The following UBAC2 variants were observed in gnomAD, a reference collection of about 807,000 sequenced individuals.
UBAC2 encodes UBA domain containing 2, also known as ubiquitin-associated domain-containing protein 2.
Under a neutral mutation model 44.0 loss-of-function variants are expected in UBAC2, and 26 were observed. The observed-to-expected ratio is 0.59, with a 90% confidence interval of 0.43 to 0.82. The LOEUF is 0.82. Among genes scored for constraint, UBAC2 ranks in the 40% least tolerant of loss-of-function variants. The pLI is 0.00. For missense variants in UBAC2, 329 were observed against 419.4 expected (o/e 0.78, Z 1.88); for synonymous variants, 155 against 154.3 (o/e 1.00, Z -0.04).
intron 4 of UBAC2, among the ~76,000 whole-genome samples, chr13:99,275,823 C>T (rs2043874602): frequency 6.6e-6 from 1 of 152,076 alleles, no homozygotes. Flanking sequence ...GGATGAGGTC[C>T]TCGATGACCA....
chr13:99,291,582 G>A lies in UBAC2; in HGVS notation c.390-22515G>A, dbSNP rs369951570. On this transcript the variant is annotated intron_variant, in intron 4 of 8. Transcript: ENST00000403766. ...TGCCACCTTGTACTCAATGGTAGGA[G>A]CCACTGTCTGCCCTTGCCTCTTGAA... 9.2e-5 allele frequency among the ~76,000 whole-genome samples: 14 copies of A among 152,316 alleles called. No homozygotes were observed. In the South Asian group the frequency reaches 2.5e-3, roughly 27 times the overall value.
intron 4 of UBAC2, chr13:99,308,832 A>G: frequency 6.6e-6 from 1 of 152,244 alleles, no homozygotes; most frequent in East Asian, 1.9e-4. Context: ...ATGATCTCCA[A>G]GGTAATTCCT....
chr13:99,310,566 G>A (rs1360200564), intron 4 of UBAC2, among the ~76,000 whole-genome samples: 1 of 152,226 alleles, frequency 6.6e-6, no homozygotes, highest in Non-Finnish European at 1.5e-5. Flanking sequence ...AAGTCTGTGT[G>A]TGTAGAAATA....
intron 4 of UBAC2, among the ~76,000 whole-genome samples, chr13:99,298,017 AAAG>A (rs2044202200): frequency 6.6e-6 from 1 of 152,166 alleles, no homozygotes; most frequent in South Asian, 2.1e-4. Flanking sequence ...CAAAGGTTAA[AAAG>A]AACAGTCTAC....
At chr13:99,236,107 GA>G (rs2043229607) in intron 1 of UBAC2, among the ~76,000 whole-genome samples, 1 of 152,238 alleles carries the variant, frequency 6.6e-6, no homozygotes, top group South Asian at 2.1e-4. Flanking sequence ...ACTACTAGCA[GA>G]AAATGTTGGA....
chr13:99,217,110 C>T lies in UBAC2; in HGVS notation c.31+16171C>T, dbSNP rs142590935. On this transcript the variant is annotated intron_variant, in intron 1 of 8. Transcript: ENST00000403766. ...CCTCCCAAAGTGCTGGGATCACAGG[C>T]GTGAGCCACGGCGCCTGGCCTCTTT... 3.6e-4 allele frequency among the ~76,000 whole-genome samples: 55 copies of T among 152,282 alleles called. No individual in the cohort carries two copies. In the East Asian group the frequency reaches 9.5e-3, roughly 26 times the overall value.
chr13:99,303,324 C>T (rs1594106735), intron 4 of UBAC2, among the ~76,000 whole-genome samples: 1 of 152,336 alleles, frequency 6.6e-6, no homozygotes, highest in African/African-American at 2.4e-5. Context: ...GCTTCATAGA[C>T]GCGCTCCTTG....
chr13:99,363,968 G>A (rs976958044), intron 7 of UBAC2, among the ~76,000 whole-genome samples: 1 of 151,872 alleles, frequency 6.6e-6, no homozygotes, highest in African/African-American at 2.4e-5. Flanking sequence ...GTAATTTTTT[G>A]TACTTACATT....
chr13:99,374,586 C>A (rs1352097055), intron 8 of UBAC2, among the ~76,000 whole-genome samples: 1 of 152,218 alleles, frequency 6.6e-6, no homozygotes, highest in Non-Finnish European at 1.5e-5. Flanking sequence ...GAATCTAAAT[C>A]TTAATGAGGC....
chr13:99,266,234 C>T (rs1467509481), intron 4 of UBAC2, among the ~76,000 whole-genome samples: 3 of 151,438 alleles, frequency 2.0e-5, no homozygotes, highest in Non-Finnish European at 4.4e-5. Flanking sequence ...TAATATGTAG[C>T]TTTATATAAT....
At chr13:99,246,755 A>C (rs930400635) in intron 4 of UBAC2, among the ~76,000 whole-genome samples, 45 of 152,254 alleles carry the variant, frequency 3.0e-4, no homozygotes, top group African/African-American at 1.0e-3. Context: ...TTTAAATCTC[A>C]GTTTGTAGCA....
chr13:99,211,597 G>A (rs1044423347), intron 1 of UBAC2, among the ~76,000 whole-genome samples: 1 of 152,182 alleles, frequency 6.6e-6, no homozygotes, highest in African/African-American at 2.4e-5. Context: ...AGCCCTGTTA[G>A]GTAGGCACAG....
chr13:99,238,382 T>A, intron 1 of UBAC2, 45 bp from the exon 2 acceptor site: 1 of 1,595,840 alleles, frequency 6.3e-7, no homozygotes, highest in Non-Finnish European at 8.5e-7. Flanking sequence ...GTTTTTTAAA[T>A]CTTAGGAACA....
chr13:99,288,891 A>T (rs375131776), intron 4 of UBAC2, among the ~76,000 whole-genome samples: 1 of 152,210 alleles, frequency 6.6e-6, no homozygotes, highest in East Asian at 1.9e-4. Context: ...AGCACTGTCT[A>T]TGTTCAGGGT....
chr13:99,205,154 G>A (rs563250754), intron 1 of UBAC2, among the ~76,000 whole-genome samples: 15 of 152,266 alleles, frequency 9.9e-5, no homozygotes, highest in Admixed American at 8.5e-4. Context: ...CGCCCGCCTC[G>A]GCCTCCCAGA....
At chr13:99,291,407 T>G (rs777734678) in intron 4 of UBAC2, among the ~76,000 whole-genome samples, 1 of 152,196 alleles carries the variant, frequency 6.6e-6, no homozygotes, top group Non-Finnish European at 1.5e-5. Flanking sequence ...TCCACATGCT[T>G]TTCATTTTCT....
intron 8 of UBAC2, among the ~76,000 whole-genome samples, chr13:99,383,604 C>T (rs1359229294): frequency 6.6e-6 from 1 of 152,242 alleles, no homozygotes; most frequent in Non-Finnish European, 1.5e-5. Context: ...CCTGGCAGCC[C>T]TTCTTGGCTT....
chr13:99,342,607 C>G (rs1252617846), intron 7 of UBAC2, among the ~76,000 whole-genome samples: 1 of 152,140 alleles, frequency 6.6e-6, no homozygotes, highest in Non-Finnish European at 1.5e-5. Flanking sequence ...ATTCGTGTGC[C>G]AGCGCTGGGT....
At position 99,318,097 on chromosome 13, in the gene UBAC2, A is replaced by G. The variant is rs762977351; in HGVS notation, c.561+28A>G. On this transcript the variant is annotated intron_variant, in intron 6 of 8. Transcript: ENST00000403766. ...AAGTGTGACTACCCTTTTACACCCA[A>G]TTCTCTCTCTCTCCTGTAAAAACAT... The G allele has an allele frequency of 1.3e-5, 20 of 1,588,708 alleles. No homozygotes were observed. In the Admixed American group the frequency reaches 1.8e-4, roughly 15 times the overall value.
Sources: allele counts gnomAD v4.1 joint callset (sites outside exome capture counted in the v4.1 genomes callset), GRCh38; gene constraint gnomAD v4.1.1; transcripts MANE v1.5; gene names NCBI Gene and HGNC (gene_info 2026-07-23, HGNC 2026-07-21).